The following EPHA7 variants were observed in gnomAD, a reference collection of about 807,000 sequenced individuals.
EPHA7 encodes the protein EPH receptor A7.
Under a neutral mutation model 112.6 loss-of-function variants are expected in EPHA7, and 25 were observed. The ratio of observed to expected loss-of-function variants is 0.22; its 90% CI spans 0.16 to 0.31. The LOEUF (loss-of-function observed/expected upper bound fraction) is 0.31, where lower values mean the gene tolerates loss of function less well. EPHA7 is among the 10% of genes least tolerant of loss of function. The pLI, the probability that EPHA7 is intolerant of heterozygous loss-of-function variation, is 1.00. For missense variants in EPHA7, 962 were observed against 1,212.6 expected (o/e 0.79, Z 3.07); for synonymous variants, 437 against 406.5 (o/e 1.07, Z -0.90).
chr6:93,370,597 A>C (rs1776739531), intron 3 of EPHA7, among the ~76,000 whole-genome samples: 1 of 152,194 alleles, frequency 6.6e-6, no homozygotes, highest in South Asian at 2.1e-4. Context: ...AAACAATGGG[A>C]TATTACATCT....
chr6:93,358,443 C>A, intron 3 of EPHA7, 32 bp from the exon 4 acceptor site: 1 of 1,554,902 alleles, frequency 6.4e-7, no homozygotes, highest in Admixed American at 2.0e-5. Flanking sequence ...AAAATTGAGA[C>A]ATGAGAGCAA....
chr6:93,257,987 C>T (rs1268506560), intron 11 of EPHA7, 112 bp downstream of exon 11: 1 of 1,005,878 alleles, frequency 9.9e-7, no homozygotes, highest in Non-Finnish European at 1.4e-6. Flanking sequence ...CAAGAAAACA[C>T]ATTCATTTAG....
intron 5 of EPHA7, among the ~76,000 whole-genome samples, chr6:93,291,050 A>G (rs1160833765): frequency 1.3e-5 from 2 of 152,268 alleles, no homozygotes; most frequent in East Asian, 3.9e-4. Flanking sequence ...AGAAATCCGA[A>G]TTTTTCTTTA....
rs752600485 is a variant in EPHA7 at position 93,241,369 on chromosome 6, A to G, written c.*2057T>C. 4 of 213,870 alleles carry G rather than the reference A, an allele frequency of 1.9e-5. No individual in the cohort carries two copies. The highest frequency in any genetic ancestry group is 5.9e-5 in the Admixed American group (1 of 17,088). 13.2% of individuals were successfully genotyped at this position (213,870 alleles called of 1,614,324 possible). A position where few individuals can be genotyped will look rare whatever the true frequency, so the allele number is the denominator to read the frequency against. ...AATTGTAAAGTGCTGGACTTAGTATAAACACTTGTACACACTGCAGACACT... is the reference window on the plus strand; with the variant it reads ...AATTGTAAAGTGCTGGACTTAGTATGAACACTTGTACACACTGCAGACACT... On this transcript the variant is annotated 3_prime_UTR_variant, in exon 17 of 17. Transcript: ENST00000369303.
intron 3 of EPHA7, among the ~76,000 whole-genome samples, chr6:93,360,701 G>T (rs1256830597): frequency 6.6e-6 from 1 of 152,056 alleles, no homozygotes; most frequent in Admixed American, 6.6e-5. Flanking sequence ...CTAATGCAGA[G>T]AAATTTCAAA....
intron 3 of EPHA7, chr6:93,409,898 T>C (rs1240547412): frequency 1.6e-5 from 2 of 127,386 alleles, no homozygotes; most frequent in East Asian, 4.7e-4. Context: ...GTCATTTTGG[T>C]ACTTAGTCCA....
chr6:93,418,212 C>A (rs1007306571), intron 1 of EPHA7, among the ~76,000 whole-genome samples: 1 of 152,090 alleles, frequency 6.6e-6, no homozygotes, highest in Non-Finnish European at 1.5e-5. Context: ...TGCTCAAAAG[C>A]AAGAGACTTC....
At chr6:93,355,636 A>G (rs1775907837) in intron 5 of EPHA7, among the ~76,000 whole-genome samples, 1 of 152,210 alleles carries the variant, frequency 6.6e-6, no homozygotes, top group Non-Finnish European at 1.5e-5. Context: ...ATTTTTGAAA[A>G]GACTGAGAAA....
intron 14 of EPHA7, among the ~76,000 whole-genome samples, chr6:93,250,436 A>G (rs1770155446): frequency 6.6e-6 from 1 of 152,118 alleles, no homozygotes; most frequent in African/African-American, 2.4e-5. Flanking sequence ...CAAAAACCTT[A>G]TTAGGTTTAA....
chr6:93,355,959 C>T (rs756777724), intron 5 of EPHA7, among the ~76,000 whole-genome samples: 1 of 152,002 alleles, frequency 6.6e-6, no homozygotes, highest in Non-Finnish European at 1.5e-5. Flanking sequence ...AATGCAGACT[C>T]GTCATGTATT....
intron 5 of EPHA7, among the ~76,000 whole-genome samples, chr6:93,292,674 A>G (rs1772442012): frequency 6.6e-6 from 1 of 152,210 alleles, no homozygotes; most frequent in African/African-American, 2.4e-5. Flanking sequence ...ATAAATAAAT[A>G]AGTTACTTTA....
At chr6:93,265,675 C>T (rs1368307426) in intron 7 of EPHA7, among the ~76,000 whole-genome samples, 1 of 151,496 alleles carries the variant, frequency 6.6e-6, no homozygotes, top group Non-Finnish European at 1.5e-5. Flanking sequence ...ATAAATGATC[C>T]AGTTGCAAAT....
At chr6:93,369,105 G>T (rs1344063186) in intron 3 of EPHA7, among the ~76,000 whole-genome samples, 1 of 150,154 alleles carries the variant, frequency 6.7e-6, no homozygotes, top group Non-Finnish European at 1.5e-5. Context: ...GAAAAATGTT[G>T]TTGAGCTCAA....
chr6:93,405,805 G>GTC (rs1252219611), intron 3 of EPHA7, among the ~76,000 whole-genome samples: 2 of 64,468 alleles, frequency 3.1e-5, no homozygotes, highest in African/African-American at 1.4e-4. Context: ...GTGTGTGTGT[G>GTC]TGTGTGTGTA....
chr6:93,391,898 A>T (rs190743996), intron 3 of EPHA7, among the ~76,000 whole-genome samples: 18 of 151,914 alleles, frequency 1.2e-4, no homozygotes, highest in South Asian at 4.1e-4. Flanking sequence ...AAAACTAAAA[A>T]TATAAACTCT....
chr6:93,348,558 A>G (rs1337733904), intron 5 of EPHA7, among the ~76,000 whole-genome samples: 2 of 151,880 alleles, frequency 1.3e-5, no homozygotes, highest in Admixed American at 1.3e-4. Flanking sequence ...TAAGAAGGTT[A>G]AGCTTTTGTT....
chr6:93,259,854 A>T (rs978891990), intron 9 of EPHA7, among the ~76,000 whole-genome samples: 1 of 152,034 alleles, frequency 6.6e-6, no homozygotes, highest in Non-Finnish European at 1.5e-5. Flanking sequence ...TAAATCTACC[A>T]GTCAGTCAAT....
chr6:93,394,298 T>C (rs1268025998), intron 3 of EPHA7, among the ~76,000 whole-genome samples: 1 of 151,584 alleles, frequency 6.6e-6, no homozygotes, highest in Admixed American at 6.6e-5. Flanking sequence ...GCACCTTTTA[T>C]ATATATATAT....
chr6:93,347,547 T>A (rs964098717), intron 5 of EPHA7, among the ~76,000 whole-genome samples: 1 of 151,878 alleles, frequency 6.6e-6, no homozygotes, highest in African/African-American at 2.4e-5. Context: ...TAAAGACTTT[T>A]CAGGATGGAA....
Sources: allele counts gnomAD v4.1 joint callset (sites outside exome capture counted in the v4.1 genomes callset), GRCh38; gene constraint gnomAD v4.1.1; transcripts MANE v1.5; gene names NCBI Gene and HGNC (gene_info 2026-07-23, HGNC 2026-07-21).